The following CABIN1 variants were observed in gnomAD, a reference collection of about 807,000 sequenced individuals.
CABIN1 encodes calcineurin binding protein 1.
In CABIN1, 133 loss-of-function variants were observed where a neutral mutation model predicts 227.7. That is an observed-to-expected ratio of 0.58 (90% CI 0.51 to 0.67). The LOEUF (loss-of-function observed/expected upper bound fraction) is 0.67. CABIN1 is among the 30% of genes least tolerant of loss of function. CABIN1 has a pLI of 0.00. For missense variants in CABIN1, 2,408 were observed against 2,852.5 expected (o/e 0.84, Z 3.55); for synonymous variants, 1,086 against 1,155.1 (o/e 0.94, Z 1.21).
chr22:24,026,801 T>G (rs1015703158), intron 1 of CABIN1, among the ~76,000 whole-genome samples: 5 of 152,228 alleles, frequency 3.3e-5, no homozygotes, highest in African/African-American at 4.8e-5. Flanking sequence ...TATTGTAAGT[T>G]TTTAAATTGT....
chr22:24,038,708 A>C (rs544527730), intron 4 of CABIN1, among the ~76,000 whole-genome samples: 3 of 152,252 alleles, frequency 2.0e-5, no homozygotes, highest in Non-Finnish European at 2.9e-5. Flanking sequence ...AAGGCCAGCT[A>C]TCGTTATTAC....
At chr22:24,019,095 A>T (rs1361219318) in intron 1 of CABIN1, among the ~76,000 whole-genome samples, 244 of 97,398 alleles carry the variant, frequency 2.5e-3, no homozygotes, top group African/African-American at 9.5e-3. Context: ...TATTAATCTT[A>T]TATTGTGCAA....
intron 5 of CABIN1, 27 bp from the exon 6 acceptor site, chr22:24,042,877 T>TGTGTGTGTGTG: frequency 4.8e-6 from 7 of 1,463,564 alleles, no homozygotes; most frequent in Non-Finnish European, 6.6e-6. Context: ...TGTGTGTGTG[T>TGTGTGTGTGTG]TTGCCCTCTG....
intron 32 of CABIN1, 62 bp from the exon 33 acceptor site, chr22:24,168,383 CAG>C: frequency 4.0e-6 from 6 of 1,489,714 alleles, no homozygotes; most frequent in Non-Finnish European, 5.5e-6. Flanking sequence ...CATACACAGA[CAG>C]GGCTGGGGGA....
intron 6 of CABIN1, among the ~76,000 whole-genome samples, chr22:24,044,507 T>TTC (rs1214428301): frequency 1.3e-5 from 2 of 152,220 alleles, no homozygotes; most frequent in African/African-American, 4.8e-5. Flanking sequence ...TTTTGCAATA[T>TTC]GGATAGACAG....
intron 26 of CABIN1, among the ~76,000 whole-genome samples, chr22:24,104,113 G>A (rs772285475): frequency 6.6e-6 from 1 of 152,098 alleles, no homozygotes; most frequent in Non-Finnish European, 1.5e-5. Context: ...CTGAGGGTTG[G>A]GCTCTTTCCT....
At chr22:24,116,947 T>C (rs542532344) in intron 27 of CABIN1, among the ~76,000 whole-genome samples, 47 of 152,260 alleles carry the variant, frequency 3.1e-4, no homozygotes, top group South Asian at 1.2e-3. Context: ...AGAACACACA[T>C]TTTACTTGCT....
intron 25 of CABIN1, among the ~76,000 whole-genome samples, chr22:24,097,597 A>G (rs148609277): frequency 1.3e-5 from 2 of 152,360 alleles, no homozygotes; most frequent in East Asian, 1.9e-4. Flanking sequence ...TGCAGCACAT[A>G]TCCTTGTACA....
chr22:24,098,522 G>A (rs934416318), intron 26 of CABIN1, among the ~76,000 whole-genome samples: 4 of 152,172 alleles, frequency 2.6e-5, no homozygotes, highest in Non-Finnish European at 5.9e-5. Context: ...AGTTAGAAGA[G>A]TGTGGCCTCC....
At chr22:24,031,070 G>A (rs1175093882) in intron 1 of CABIN1, among the ~76,000 whole-genome samples, 1 of 152,148 alleles carries the variant, frequency 6.6e-6, no homozygotes, top group South Asian at 2.1e-4. Flanking sequence ...TCCCACCCAT[G>A]CACATGGACC....
rs1475443297 is a variant in CABIN1 at position 24,178,378 on chromosome 22, A to G, written c.*182A>G. On this transcript the variant is annotated 3_prime_UTR_variant, in exon 37 of 37. Coordinates refer to ENST00000263119, the MANE Select transcript of CABIN1 (RefSeq NM_012295.4). ...GTACCCAGGTCAGGCTGTCCACACC[A>G]CATGGGAGCCCAGAGGAGGAGGGGC... 4.2e-6 allele frequency: 3 copies of G among 710,378 alleles called. No individual in the cohort carries two copies. Among genetic ancestry groups the G allele is most frequent in the Non-Finnish European group, 6.9e-6 (3 of 436,056 alleles). 44.0% of individuals were successfully genotyped at this position (710,378 alleles called of 1,614,324 possible). A position where few individuals can be genotyped will look rare whatever the true frequency, so the allele number is the denominator to read the frequency against.
In CABIN1 at chr22:24,064,189, T is replaced by A; in HGVS notation, c.2037+2T>A. ...GACTCTGTGGTTTCCCTGGAGGAGG[T>A]AAGTGAGAATTTTCGTTTGTTTGTT... is the stretch of plus-strand genomic sequence containing the variant. On this transcript the variant is annotated splice_donor_variant, in intron 15 of 36. Transcript: ENST00000263119. LOFTEE classifies it high-confidence loss of function. The A allele has an allele frequency of 6.2e-7, 1 of 1,614,054 alleles. No individual in the cohort carries two copies. The highest frequency in any genetic ancestry group is 1.1e-5 in the South Asian group (1 of 91,076).
intron 16 of CABIN1, among the ~76,000 whole-genome samples, chr22:24,069,909 G>A (rs572717544): frequency 2.6e-5 from 4 of 152,238 alleles, no homozygotes; most frequent in Non-Finnish European, 4.4e-5. Context: ...GGGCTGTGGC[G>A]AGGTTAGAGC....
chr22:24,125,729 T>A (rs2043682863), intron 28 of CABIN1, among the ~76,000 whole-genome samples: 1 of 152,240 alleles, frequency 6.6e-6, no homozygotes, highest in South Asian at 2.1e-4. Context: ...GTGCCCTGCA[T>A]CCTCACATGG....
Position 24,084,711 on chromosome 22 carries a change from A to G in CABIN1, c.3043A>G (p.Ile1015Val), listed in dbSNP as rs2147076931. The change falls in exon 21 of 37, where the codon ATT becomes GTT. Residue 1015 changes from isoleucine to valine, a missense_variant. Transcript: ENST00000263119. ...LANLLKRIAT[I>V]VPRTERPALS... Reference sequence around the variant, plus strand: ...CAACCTACTGAAGAGAATTGCCACCATTGTGCCTCGCACAGAGAGGCCAGC... The same window carrying G: ...CAACCTACTGAAGAGAATTGCCACCGTTGTGCCTCGCACAGAGAGGCCAGC... 2 of 1,614,200 alleles carry G rather than the reference A, an allele frequency of 1.2e-6. No homozygotes were observed. Among genetic ancestry groups the G allele is most frequent in the East Asian group, 2.2e-5 (1 of 44,886 alleles).
chr22:24,079,715 G>C (rs1436590899), intron 19 of CABIN1, among the ~76,000 whole-genome samples: 1 of 152,072 alleles, frequency 6.6e-6, no homozygotes, highest in East Asian at 1.9e-4. Context: ...CAAATTGCCT[G>C]TTCACATGAT....
chr22:24,031,611 A>G (rs917107489), intron 1 of CABIN1, among the ~76,000 whole-genome samples: 2 of 152,218 alleles, frequency 1.3e-5, no homozygotes, highest in Admixed American at 1.3e-4. Context: ...AAGTGAAGGC[A>G]GCAGTTCAGA....
At chr22:24,073,907 T>G (rs896607782) in intron 18 of CABIN1, among the ~76,000 whole-genome samples, 1 of 152,214 alleles carries the variant, frequency 6.6e-6, no homozygotes, top group African/African-American at 2.4e-5. Flanking sequence ...GAGAGGTGCA[T>G]GCACTATTGA....
rs1569188086 is a variant in CABIN1 at position 24,084,810 on chromosome 22, G to A, written c.3117+25G>A. Reference sequence around the variant, plus strand: ...GGTGGGCCCACAACCTTGAGGACGTGGGGGACAGGGCTGGGTCACACTCTT... The same window carrying A: ...GGTGGGCCCACAACCTTGAGGACGTAGGGGACAGGGCTGGGTCACACTCTT... On this transcript the variant is annotated intron_variant, in intron 21 of 36. Coordinates refer to ENST00000263119, the MANE Select transcript of CABIN1 (RefSeq NM_012295.4). 11 of 1,609,714 alleles carry A rather than the reference G, an allele frequency of 6.8e-6. No homozygotes were observed. The East Asian group carries it at 8.9e-5, about 13-fold the overall frequency.
Sources: gnomAD v4.1 joint callset for allele counts (sites outside exome capture counted in the v4.1 genomes callset) on GRCh38, gnomAD v4.1.1 for gene constraint, MANE v1.5 for transcripts, NCBI Gene and HGNC (gene_info 2026-07-23, HGNC 2026-07-21) for gene names.